ACACB: variants seen among roughly 807,000 people sequenced by gnomAD.
ACACB encodes the protein acetyl-CoA carboxylase beta, also known as acetyl-CoA carboxylase 2.
A neutral mutation model predicts 278.8 loss-of-function variants in ACACB; 209 were observed. The ratio of observed to expected loss-of-function variants is 0.75; its 90% CI spans 0.67 to 0.84. ACACB has a LOEUF of 0.84. Ranked by LOEUF, ACACB falls within the 40% of genes least tolerant of loss-of-function variation. ACACB has a pLI of 0.00. For missense variants in ACACB, 2,850 were observed against 3,269.0 expected (o/e 0.87, Z 3.13); for synonymous variants, 1,174 against 1,285.6 (o/e 0.91, Z 1.86).
At chr12:109,156,042 T>C (rs2043522824) in intron 2 of ACACB, among the ~76,000 whole-genome samples, 1 of 152,174 alleles carries the variant, frequency 6.6e-6, no homozygotes, top group African/African-American at 2.4e-5. Flanking sequence ...TAGTGTTCCT[T>C]TAAATGGGTG....
Position 109,185,672 on chromosome 12 carries a change from C to T in ACACB, c.1912C>T (p.Pro638Ser), listed in dbSNP as rs778629713. ...WGVTPISFET[P>S]SNPPLARGHV... ...AGTGACTCCCATTTCTTTTGAAACC[C>T]CCTCAAACCCTCCCCTCGCCCGAGG... The change falls in exon 12 of 53, where the codon CCC becomes TCC. Residue 638 changes from proline (P) to serine (S), a missense_variant. Physicochemically the swap from Pro to Ser is moderately conservative, Grantham distance 74 (BLOSUM62 -1). This residue lies in a region of ACACB where 2,265 missense variants were observed against 2,561.3 expected (regional missense o/e 0.88). Transcript: ENST00000338432. 9.3e-6 allele frequency: 15 copies of T among 1,613,912 alleles called. No homozygotes were observed. In the South Asian group the frequency reaches 1.4e-4, roughly 15 times the overall value.
chr12:109,238,107 C>T (rs1385614643), intron 34 of ACACB, among the ~76,000 whole-genome samples: 3 of 150,692 alleles, frequency 2.0e-5, no homozygotes, highest in African/African-American at 7.3e-5. Flanking sequence ...AAGAACCTAG[C>T]GCAAGGACCG....
chr12:109,215,501 T>C (rs1051066362), intron 22 of ACACB, among the ~76,000 whole-genome samples: 1 of 152,032 alleles, frequency 6.6e-6, no homozygotes, highest in African/African-American at 2.4e-5. Flanking sequence ...CGGTGGCTCA[T>C]GCCTGTAATC....
At chr12:109,163,341 C>A (rs946385317) in intron 2 of ACACB, among the ~76,000 whole-genome samples, 1 of 152,136 alleles carries the variant, frequency 6.6e-6, no homozygotes, top group Non-Finnish European at 1.5e-5. Context: ...TTAATATCAT[C>A]GTTGAGGTCA....
intron 22 of ACACB, among the ~76,000 whole-genome samples, chr12:109,213,386 A>G (rs1279601253): frequency 6.6e-6 from 1 of 152,074 alleles, no homozygotes; most frequent in East Asian, 1.9e-4. Context: ...AAGTTTTGTG[A>G]AGTGCTGACA....
intron 2 of ACACB, among the ~76,000 whole-genome samples, chr12:109,153,897 A>G (rs2043445329): frequency 6.6e-6 from 1 of 152,042 alleles, no homozygotes; most frequent in African/African-American, 2.4e-5. Flanking sequence ...TCCTGACCTC[A>G]AGCGCCTGCC....
chr12:109,206,223 C>T (rs150046046), intron 19 of ACACB, among the ~76,000 whole-genome samples: 6,210 of 152,014 alleles, frequency 0.041, 379 homozygotes, highest in African/African-American at 0.13. Context: ...ATCATGAGGT[C>T]AAGAGATCAA....
At position 109,188,292 on chromosome 12, in the gene ACACB, C is replaced by T. The variant is rs1377523552; in HGVS notation, c.2144+130C>T. The T allele has an allele frequency of 4.1e-6, 4 of 980,904 alleles. No individual in the cohort carries two copies. In the South Asian group the frequency reaches 7.1e-5, roughly 17 times the overall value. The allele number at this position is 980,904 out of a possible 1,614,324, so 60.8% of individuals were successfully genotyped here. On this transcript the variant is annotated intron_variant, in intron 13 of 52. Transcript: ENST00000338432. ...TTCTCCTCCCTTCCTTTCTTCTTCC[C>T]TCCCTCTCAGCCTTTCTCCTTTTTT...
At chr12:109,181,803 T>C (rs1479021692) in intron 11 of ACACB, among the ~76,000 whole-genome samples, 1 of 151,590 alleles carries the variant, frequency 6.6e-6, no homozygotes, top group African/African-American at 2.4e-5. Context: ...CTCCACGTCC[T>C]TGCTAGCACT....
At chr12:109,262,524 C>T in intron 49 of ACACB, 55 bp downstream of exon 49, 2 of 1,159,444 alleles carry the variant, frequency 1.7e-6, no homozygotes, top group South Asian at 1.3e-5. Context: ...CCCAGCTGGC[C>T]CACTGCTGGG....
chr12:109,113,582 G>A (rs1304120079), upstream of ACACB, among the ~76,000 whole-genome samples: 1 of 152,208 alleles, frequency 6.6e-6, no homozygotes, highest in Non-Finnish European at 1.5e-5. Context: ...ACTATAAATT[G>A]TTTGCATTTT....
Position 109,237,228 on chromosome 12 carries a change from C to T in ACACB, c.4510C>T (p.Arg1504Trp), listed in dbSNP as rs759522981. 1.1e-5 allele frequency: 17 copies of T among 1,614,148 alleles called. No individual in the cohort carries two copies. The highest frequency in any genetic ancestry group is 1.4e-5 in the Non-Finnish European group (16 of 1,180,028). ...PALAFQLELN[R>W]MRNFDLTAVP... ...CCTGGCCTTCCAGCTGGAACTTAAC[C>T]GGATGCGTAACTTCGATCTGACCGC... is the stretch of plus-strand genomic sequence containing the variant. The change falls in exon 34 of 53, where the codon CGG becomes TGG. Residue 1504 changes from arginine to tryptophan, a missense_variant. Physicochemically the swap from Arg to Trp is moderately radical, Grantham distance 101. Coordinates refer to ENST00000338432, the MANE Select transcript of ACACB (RefSeq NM_001093.4).
intron 2 of ACACB, among the ~76,000 whole-genome samples, chr12:109,142,198 A>C (rs1373563092): frequency 6.6e-6 from 1 of 152,172 alleles, no homozygotes; most frequent in African/African-American, 2.4e-5. Flanking sequence ...ATAGTGAGCT[A>C]TAATTGTGCC....
intron 1 of ACACB, among the ~76,000 whole-genome samples, chr12:109,132,720 G>T (rs772664146): frequency 6.6e-6 from 1 of 152,182 alleles, no homozygotes; most frequent in Non-Finnish European, 1.5e-5. Context: ...CTTGGGAAAA[G>T]TTCTTGTGTG....
Position 109,209,862 on chromosome 12 carries a change from TAC to T in ACACB, c.3249+515_3249+516del, listed in dbSNP as rs1199739132. ...ACACACACGTGTGTATATATGTATA[TAC>T]ACACATACACACACGTGTGTATATA... On this transcript the variant is annotated intron_variant, in intron 21 of 52. Coordinates refer to ENST00000338432, the MANE Select transcript of ACACB (RefSeq NM_001093.4). Among the ~76,000 whole-genome samples the T allele has an allele frequency of 6.1e-5, 8 of 132,168 alleles. No homozygotes were observed. The South Asian group carries it at 1.8e-3, about 30-fold the overall frequency. 86.7% of individuals were successfully genotyped at this position (132,168 alleles called of 152,430 possible). A position where few individuals can be genotyped will look rare whatever the true frequency, so the allele number is the denominator to read the frequency against.
At chr12:109,122,906 G>C (rs1393344305) in intron 1 of ACACB, among the ~76,000 whole-genome samples, 2 of 151,976 alleles carry the variant, frequency 1.3e-5, no homozygotes, top group Non-Finnish European at 2.9e-5. Flanking sequence ...ATTTAAGCTG[G>C]GTGCAGTGGC....
intron 7 of ACACB, 32 bp downstream of exon 7, chr12:109,174,262 C>A (rs374741689): frequency 1.9e-6 from 3 of 1,545,306 alleles, no homozygotes; most frequent in East Asian, 2.3e-5. Context: ...TCTGGGGGAG[C>A]TTCTCAGCCC....
At chr12:109,112,688 CAA>C (rs57131257), upstream of ACACB, among the ~76,000 whole-genome samples, 2,915 of 103,300 alleles carry the variant, frequency 0.028, 73 homozygotes, top group African/African-American at 0.085. Context: ...AACTCCGTCT[CAA>C]AAAAAAAAAA....
chr12:109,204,847 CT>C (rs1421416971), intron 19 of ACACB, among the ~76,000 whole-genome samples: 2 of 151,948 alleles, frequency 1.3e-5, no homozygotes, highest in Non-Finnish European at 2.9e-5. Context: ...TTTCATTAGT[CT>C]CTTTCTCTCT....
Sources: allele counts gnomAD v4.1 joint callset (sites outside exome capture counted in the v4.1 genomes callset), GRCh38; gene constraint gnomAD v4.1.1; regional missense constraint gnomAD v4.1.1; transcripts MANE v1.5; gene names NCBI Gene and HGNC (gene_info 2026-07-23, HGNC 2026-07-21).